EBF1: variants seen among roughly 807,000 people sequenced by gnomAD.
EBF1 encodes EBF transcription factor 1, also known as transcription factor COE1.
A neutral mutation model predicts 68.4 loss-of-function variants in EBF1; 10 were observed. The observed-to-expected ratio is 0.15, with a 90% CI of 0.09 to 0.25. EBF1 has a LOEUF of 0.25. Ranked by LOEUF, EBF1 falls within the 10% of genes least tolerant of loss-of-function variation. The pLI is 1.00. For missense variants in EBF1, 509 were observed against 794.4 expected (o/e 0.64, Z 4.32); for synonymous variants, 298 against 299.8 (o/e 0.99, Z 0.06).
At chr5:158,864,866 T>C (rs1180778869) in intron 6 of EBF1, among the ~76,000 whole-genome samples, 1 of 152,148 alleles carries the variant, frequency 6.6e-6, no homozygotes, top group Non-Finnish European at 1.5e-5. Context: ...CGACGGCAGT[T>C]CCAGGAGAGG....
chr5:158,707,722 C>A, intron 15 of EBF1: 1 of 471,878 alleles, frequency 2.1e-6, no homozygotes, highest in Non-Finnish European at 3.8e-6. Flanking sequence ...CAAGCAAATC[C>A]CGGGCCTGAG....
At chr5:158,807,108 C>A (rs115252299) in intron 8 of EBF1, among the ~76,000 whole-genome samples, 6 of 152,066 alleles carry the variant, frequency 3.9e-5, no homozygotes, top group Non-Finnish European at 5.9e-5. Flanking sequence ...AATTGGATAC[C>A]GCTGATCTCA....
chr5:158,797,567 G>GA (rs1268541608), intron 8 of EBF1, among the ~76,000 whole-genome samples: 2 of 152,102 alleles, frequency 1.3e-5, no homozygotes, highest in African/African-American at 4.8e-5. Context: ...ATTTTAACGG[G>GA]AAAAAACTGG....
At chr5:159,084,811 G>T in intron 4 of EBF1, 72 bp from the exon 5 acceptor site, 2 of 1,363,638 alleles carry the variant, frequency 1.5e-6, no homozygotes, top group Non-Finnish European at 2.0e-6. Context: ...TCACAATTGA[G>T]TTCTTAACCA....
chr5:159,077,393 C>T (rs73305724), intron 5 of EBF1, among the ~76,000 whole-genome samples: 3,357 of 152,184 alleles, frequency 0.022, 131 homozygotes, highest in African/African-American at 0.074. Context: ...GACCTGATAT[C>T]GTGCCATTCC....
At chr5:159,074,297 G>A (rs1778345125) in intron 5 of EBF1, among the ~76,000 whole-genome samples, 1 of 152,170 alleles carries the variant, frequency 6.6e-6, no homozygotes, top group African/African-American at 2.4e-5. Flanking sequence ...CTTCTAAAGG[G>A]TGAACATTTT....
chr5:158,930,031 C>T (rs746838142), intron 6 of EBF1, among the ~76,000 whole-genome samples: 2 of 152,146 alleles, frequency 1.3e-5, no homozygotes, highest in African/African-American at 2.4e-5. Flanking sequence ...AGCAATTCAG[C>T]GTGCTGTTAA....
At chr5:158,983,285 T>C (rs1758284072) in intron 6 of EBF1, 1 of 152,196 alleles carries the variant, frequency 6.6e-6, no homozygotes, top group African/African-American at 2.4e-5. Flanking sequence ...GTAGGGGTTT[T>C]TTTTCTGTAT....
rs36045942 is a variant in EBF1, at chr5:159,006,647, TAAAAAAAAAAAA to T, written c.554+66737_554+66748del. Among the ~76,000 whole-genome samples, 270 of 56,228 alleles carry T rather than the reference TAAAAAAAAAAAA, an allele frequency of 4.8e-3. 2 individuals carry two copies. The highest frequency in any genetic ancestry group is 0.02 in the African/African-American group (232 of 11,418). The allele number at this position is 56,228 out of a possible 152,430, so 36.9% of individuals were successfully genotyped here. A position where few individuals can be genotyped will look rare whatever the true frequency, so the allele number is the denominator to read the frequency against. Reference sequence around the variant, plus strand: ...CTCATATAACCAATCATAGCCATGTTAAAAAAAAAAAAAAAAAAAAAAAAAAAAAGCCTGGGA... The same window carrying T: ...CTCATATAACCAATCATAGCCATGTTAAAAAAAAAAAAAAAAAGCCTGGGA... On this transcript the variant is annotated intron_variant, in intron 6 of 15. Transcript: ENST00000313708.
chr5:158,883,826 A>G (rs2128096063), intron 6 of EBF1, among the ~76,000 whole-genome samples: 1 of 152,288 alleles, frequency 6.6e-6, no homozygotes, highest in East Asian at 1.9e-4. Context: ...ACCAAGGAAG[A>G]TACGAAGATA....
intron 9 of EBF1, among the ~76,000 whole-genome samples, chr5:158,790,648 AC>A (rs1257303783): frequency 6.6e-6 from 1 of 152,194 alleles, no homozygotes; most frequent in Non-Finnish European, 1.5e-5. Flanking sequence ...TCCCAAACTT[AC>A]CAGGAAAAAC....
At chr5:158,725,328 C>T (rs1215307407) in intron 11 of EBF1, among the ~76,000 whole-genome samples, 1 of 152,212 alleles carries the variant, frequency 6.6e-6, no homozygotes, top group Non-Finnish European at 1.5e-5. Flanking sequence ...GTTCACCTCC[C>T]TTATAATTCC....
At chr5:159,087,053 T>G (rs1287803087) in intron 4 of EBF1, among the ~76,000 whole-genome samples, 1 of 151,972 alleles carries the variant, frequency 6.6e-6, no homozygotes, top group Non-Finnish European at 1.5e-5. Flanking sequence ...GCTAAAAAAC[T>G]CTAATGAAGC....
chr5:158,765,190 C>T (rs574177236), intron 10 of EBF1, among the ~76,000 whole-genome samples: 2 of 152,148 alleles, frequency 1.3e-5, no homozygotes, highest in East Asian at 3.9e-4. Flanking sequence ...GATAACCCTC[C>T]TATGTCTTCT....
intron 10 of EBF1, among the ~76,000 whole-genome samples, chr5:158,754,966 C>T (rs1769730055): frequency 6.6e-6 from 1 of 152,058 alleles, no homozygotes; most frequent in South Asian, 2.1e-4. Flanking sequence ...CCCTAAGTAA[C>T]CTCAAATCTC....
chr5:158,762,115 A>G (rs1417774614), intron 10 of EBF1, among the ~76,000 whole-genome samples: 5 of 152,300 alleles, frequency 3.3e-5, no homozygotes, highest in African/African-American at 9.6e-5. Flanking sequence ...ATTTACATAC[A>G]TATTATTTAA....
intron 6 of EBF1, among the ~76,000 whole-genome samples, chr5:158,842,448 A>G (rs541757943): frequency 2.6e-5 from 4 of 152,212 alleles, no homozygotes; most frequent in Non-Finnish European, 2.9e-5. Flanking sequence ...GATTATCACT[A>G]AACTGACAAC....
chr5:158,876,194 C>T (rs928754155), intron 6 of EBF1, among the ~76,000 whole-genome samples: 12 of 152,096 alleles, frequency 7.9e-5, no homozygotes, highest in African/African-American at 2.7e-4. Context: ...CAGTAACAAC[C>T]TCAAGTATTT....
intron 6 of EBF1, among the ~76,000 whole-genome samples, chr5:159,024,394 A>G (rs892152599): frequency 1.3e-5 from 2 of 152,184 alleles, no homozygotes; most frequent in African/African-American, 4.8e-5. Context: ...AATTTTTCCA[A>G]TTTTACGGCC....
Sources: gnomAD v4.1 joint callset for allele counts (sites outside exome capture counted in the v4.1 genomes callset) on GRCh38, gnomAD v4.1.1 for gene constraint, MANE v1.5 for transcripts, NCBI Gene and HGNC (gene_info 2026-07-23, HGNC 2026-07-21) for gene names.